Variants in PUS7 observed in about 807,000 individuals in gnomAD.
PUS7 encodes pseudouridylate synthase 7 homolog.
PUS7 carries 48 observed loss-of-function variants against 79.8 expected under a neutral mutation model. That is an observed-to-expected ratio of 0.60 (90% confidence interval 0.48 to 0.76). PUS7 has a LOEUF of 0.76. Ranked by LOEUF, PUS7 falls within the 30% of genes least tolerant of loss-of-function variation. The pLI is 0.00. For missense variants in PUS7, 729 were observed against 797.6 expected (o/e 0.91, Z 1.04); for synonymous variants, 286 against 272.2 (o/e 1.05, Z -0.50).
chr7:105,466,819 A>G (rs1823662223), intron 12 of PUS7, among the ~76,000 whole-genome samples: 1 of 152,104 alleles, frequency 6.6e-6, no homozygotes, highest in South Asian at 2.1e-4. Flanking sequence ...CAGGACATTA[A>G]AATACACTGG....
chr7:105,457,874 G>A lies in PUS7; in HGVS notation c.1902C>T (p.Tyr634=), dbSNP rs747201055. The change falls in exon 16 of 16, where the codon TAC becomes TAT. Residue 634 remains tyrosine, a synonymous_variant. Transcript: ENST00000469408. ...GCACTTCTCGAATGGCCATGGTGGC[G>A]TAAGTAGAAGGGGGTAGAGAAAAAT... The part of the protein sequence containing the change: ...KMDFSLPPST[Y]ATMAIREVLK... 11 of 1,614,046 alleles carry A rather than the reference G, an allele frequency of 6.8e-6. No individual in the cohort carries two copies. Among genetic ancestry groups the A allele is most frequent in the South Asian group, 3.3e-5 (3 of 91,066 alleles).
Position 105,470,673 on chromosome 7 carries a change from A to G in PUS7, c.1398+15T>C, listed in dbSNP as rs368930685. On this transcript the variant is annotated intron_variant, in intron 11 of 15. Transcript: ENST00000469408. ...ACGCCTTGAGCCATTGCCTGACTTCACAAATTGCACTCACTATGCCAAATG... is the reference window on the plus strand; with the variant it reads ...ACGCCTTGAGCCATTGCCTGACTTCGCAAATTGCACTCACTATGCCAAATG... The G allele has an allele frequency of 3.9e-6, 6 of 1,549,072 alleles. No homozygotes were observed. The highest frequency in any genetic ancestry group is 2.7e-5 in the African/African-American group (2 of 72,750).
Position 105,497,257 on chromosome 7 carries a change from T to C in PUS7, c.731-2004A>G, listed in dbSNP as rs112126002. On this transcript the variant is annotated intron_variant, in intron 5 of 15. Transcript: ENST00000469408. ...TTCACGCTCAAAGCTGCACTGTCTG[T>C]ACCCATGAGATGAAGCAAAAGGTTT... Among the ~76,000 whole-genome samples the C allele has an allele frequency of 5.3e-3, 809 of 152,316 alleles. 15 individuals are homozygous for C. Among genetic ancestry groups the C allele is most frequent in the African/African-American group, 0.018 (760 of 41,572 alleles).
At chr7:105,515,791 T>TTTA (rs59653781) in intron 1 of PUS7, among the ~76,000 whole-genome samples, 21,708 of 120,976 alleles carry the variant, frequency 0.18, 2,170 homozygotes, top group East Asian at 0.24. Flanking sequence ...TTTTATTTTA[T>TTTA]TTTATTTATT....
rs750587532 is a variant in PUS7 at position 105,462,785 on chromosome 7, G to C, written c.1628-35C>G. On this transcript the variant is annotated intron_variant, in intron 13 of 15. Coordinates refer to ENST00000469408, the MANE Select transcript of PUS7 (RefSeq NM_019042.5). ...AATACAAAAAGTTAGTTGAAATGCAGCTTGTCAGTCAAGTTATCCTGAACT... is the reference window on the plus strand; with the variant it reads ...AATACAAAAAGTTAGTTGAAATGCACCTTGTCAGTCAAGTTATCCTGAACT... 4.4e-6 allele frequency: 7 copies of C among 1,592,304 alleles called. No individual in the cohort carries two copies. In the South Asian group the frequency reaches 4.5e-5, roughly 10 times the overall value.
intron 9 of PUS7, among the ~76,000 whole-genome samples, chr7:105,474,628 AAAAAT>A (rs1156981328): frequency 2.7e-5 from 4 of 150,108 alleles, no homozygotes; most frequent in Non-Finnish European, 5.9e-5. Context: ...AAAAAAAAAA[AAAAAT>A]AATCGGGCGT....
At chr7:105,490,781 A>G (rs1293292132) in intron 7 of PUS7, among the ~76,000 whole-genome samples, 1 of 152,176 alleles carries the variant, frequency 6.6e-6, no homozygotes, top group Non-Finnish European at 1.5e-5. Context: ...ATCTCTACTC[A>G]TCCTTCTAGA....
chr7:105,498,400 T>C (rs1825118967), intron 5 of PUS7, among the ~76,000 whole-genome samples: 1 of 152,226 alleles, frequency 6.6e-6, no homozygotes, highest in Admixed American at 6.5e-5. Context: ...CACTGATTTA[T>C]ACTGCAAATG....
At chr7:105,493,560 C>G (rs979638470) in intron 6 of PUS7, among the ~76,000 whole-genome samples, 1 of 152,180 alleles carries the variant, frequency 6.6e-6, no homozygotes, top group East Asian at 1.9e-4. Context: ...TATGTTGAAG[C>G]TCTGACCCCC....
intron 11 of PUS7, 185 bp downstream of exon 11, chr7:105,470,503 C>T (rs1488757613): frequency 6.0e-6 from 3 of 502,976 alleles, no homozygotes; most frequent in Admixed American, 3.9e-5. Context: ...GTAATGCCCG[C>T]ATCCACCCCC....
chr7:105,482,763 G>T (rs1230389087), intron 7 of PUS7, among the ~76,000 whole-genome samples: 2 of 152,080 alleles, frequency 1.3e-5, no homozygotes, highest in East Asian at 1.9e-4. Flanking sequence ...GGGGAGAGGG[G>T]TGAGAAAAGG....
intron 7 of PUS7, among the ~76,000 whole-genome samples, chr7:105,484,138 C>CT (rs978502976): frequency 1.7e-4 from 26 of 152,092 alleles, no homozygotes; most frequent in Non-Finnish European, 1.5e-5. Context: ...CTAAGAGTCT[C>CT]TTTGTCTTTG....
At chr7:105,459,047 CACA>C (rs1385393463) in intron 15 of PUS7, 118 bp downstream of exon 15, 2 of 534,444 alleles carry the variant, frequency 3.7e-6, no homozygotes. Context: ...GGTCATAAAA[CACA>C]ACAATGAAAT....
intron 7 of PUS7, among the ~76,000 whole-genome samples, chr7:105,489,274 T>G (rs992725569): frequency 6.6e-6 from 1 of 151,928 alleles, no homozygotes; most frequent in Non-Finnish European, 1.5e-5. Context: ...CTAGGTATTT[T>G]AGATACCAAA....
intron 10 of PUS7, among the ~76,000 whole-genome samples, chr7:105,471,545 C>T (rs1341573636): frequency 2.0e-5 from 3 of 152,310 alleles, no homozygotes; most frequent in East Asian, 1.9e-4. Context: ...GGGCGTGGTG[C>T]TCACGCCTGT....
intron 1 of PUS7, among the ~76,000 whole-genome samples, chr7:105,517,836 G>T (rs1461989461): frequency 6.6e-6 from 1 of 152,034 alleles, no homozygotes; most frequent in Non-Finnish European, 1.5e-5. Context: ...GTGGGACCAT[G>T]TCTCTGCAAA....
intron 13 of PUS7, among the ~76,000 whole-genome samples, chr7:105,463,813 T>C (rs370930257): frequency 6.6e-6 from 1 of 152,198 alleles, no homozygotes. Context: ...ACATTGAAAT[T>C]GTGTTTTTAA....
chr7:105,465,709 T>C lies in PUS7; in HGVS notation c.1526-295A>G, dbSNP rs537025806. Among the ~76,000 whole-genome samples, 10 of 152,256 alleles carry C rather than the reference T, an allele frequency of 6.6e-5. No homozygotes were observed. In the East Asian group the frequency reaches 1.9e-3, roughly 29 times the overall value. ...TTAGCCAGGCATGGTGGCGCATGCC[T>C]GTAATCCCAGCTACTCGGGAGGCTG... On this transcript the variant is annotated intron_variant, in intron 12 of 15. Transcript: ENST00000469408.
chr7:105,492,799 G>T (rs1008988293), intron 6 of PUS7, among the ~76,000 whole-genome samples: 1 of 152,102 alleles, frequency 6.6e-6, no homozygotes, highest in South Asian at 2.1e-4. Context: ...GAGCCACCGC[G>T]CCCGGCCGAT....
Sources: allele counts gnomAD v4.1 joint callset (sites outside exome capture counted in the v4.1 genomes callset), GRCh38; gene constraint gnomAD v4.1.1; transcripts MANE v1.5; gene names NCBI Gene and HGNC (gene_info 2026-07-23, HGNC 2026-07-21).